The following ALS2 variants were observed in gnomAD, a reference collection of about 807,000 sequenced individuals.
ALS2 encodes the protein alsin.
A neutral mutation model predicts 203.4 loss-of-function variants in ALS2; 117 were observed. The ratio of observed to expected loss-of-function variants is 0.58; its 90% CI spans 0.50 to 0.67. The LOEUF (loss-of-function observed/expected upper bound fraction) is 0.67, where lower values mean the gene tolerates loss of function less well. Among genes scored for constraint, ALS2 ranks in the 30% least tolerant of loss-of-function variants. The pLI is 0.00. For synonymous variants in ALS2, 718 were observed against 725.9 expected, an observed-to-expected ratio of 0.99 and a Z score of 0.17; for missense variants, 1,715 against 1,989.4, an observed-to-expected ratio of 0.86 and a Z score of 2.62.
intron 4 of ALS2, chr2:201,760,389 A>C: frequency 1.0e-6 from 1 of 987,362 alleles, no homozygotes; most frequent in Non-Finnish European, 1.2e-6. Flanking sequence ...TATAATTGAA[A>C]AAAACTGAAA....
Position 201,744,445 on chromosome 2 carries a change from A to T in ALS2, c.1999-16T>A. ...TATATCCAAGCTGAAACAGAAGAAA[A>T]CAAAAGGATTAAATATAACATATAA... On this transcript the variant is annotated splice_polypyrimidine_tract_variant and intron_variant, in intron 9 of 33. Transcript: ENST00000264276. 1 of 1,612,148 alleles carries T rather than the reference A, an allele frequency of 6.2e-7. No homozygotes were observed. Among genetic ancestry groups the T allele is most frequent in the Non-Finnish European group, 8.5e-7 (1 of 1,178,606 alleles).
chr2:201,754,472 A>G (rs1693262033), intron 6 of ALS2, 31 bp downstream of exon 6: 1 of 1,613,912 alleles, frequency 6.2e-7, no homozygotes, highest in Non-Finnish European at 8.5e-7. Flanking sequence ...GTTTAAGCCA[A>G]CTTCTATCGG....
At chr2:201,710,162 C>A in intron 26 of ALS2, 124 bp from the exon 27 acceptor site, 1 of 1,127,806 alleles carries the variant, frequency 8.9e-7, no homozygotes, top group Non-Finnish European at 1.3e-6. Context: ...ATTTTGGGAC[C>A]AGGAATATTC....
chr2:201,734,485 TTAGA>T (rs1416536438), intron 12 of ALS2, among the ~76,000 whole-genome samples: 4 of 140,988 alleles, frequency 2.8e-5, no homozygotes, highest in Admixed American at 7.3e-5. Context: ...AAAAAAGATC[TTAGA>T]TAAAGTGCCC....
At chr2:201,770,923 TGAA>T (rs1397602964) in intron 1 of ALS2, among the ~76,000 whole-genome samples, 1 of 152,192 alleles carries the variant, frequency 6.6e-6, no homozygotes, top group South Asian at 2.1e-4. Context: ...CCACAGAACT[TGAA>T]GATAATATAT....
Position 201,701,731 on chromosome 2 carries a change from C to T in ALS2, c.*120G>A. Reference sequence around the variant, plus strand: ...TATTGGTAAGGCTCATTCTAACAACCTAAATAACACAAAGTCCTTTCCAAT... The same window carrying T: ...TATTGGTAAGGCTCATTCTAACAACTTAAATAACACAAAGTCCTTTCCAAT... On this transcript the variant is annotated 3_prime_UTR_variant, in exon 34 of 34. Coordinates refer to ENST00000264276, the MANE Select transcript of ALS2 (RefSeq NM_020919.4). 2 of 962,604 alleles carry T rather than the reference C, an allele frequency of 2.1e-6. No individual in the cohort carries two copies. Among genetic ancestry groups the T allele is most frequent in the South Asian group, 2.8e-5 (2 of 72,656 alleles). The allele number at this position is 962,604 out of a possible 1,614,324, so 59.6% of individuals were successfully genotyped here.
intron 33 of ALS2, 145 bp downstream of exon 33, chr2:201,703,977 T>C (rs542417936): frequency 1.3e-4 from 94 of 697,512 alleles, no homozygotes; most frequent in Non-Finnish European, 2.1e-4. Flanking sequence ...TATAATGTTT[T>C]AAAGTGTAGA....
rs768256914 is a variant in ALS2, at chr2:201,761,339, A to G, written c.655T>C (p.Cys219Arg). ...GGCTTCAGATCCTGGGAAGGGAGGCATTGTACAAGGGCTAAGCTGTGGAAA... is the reference window on the plus strand; with the variant it reads ...GGCTTCAGATCCTGGGAAGGGAGGCGTTGTACAAGGGCTAAGCTGTGGAAA... ...GAFHSLALVQ[C>R]LPSQDLKPVP... is the part of the protein sequence containing the mutation. The change falls in exon 4 of 34, where the codon TGC (cysteine) becomes CGC (arginine). Residue 219 changes from cysteine (C) to arginine (R), a missense_variant. Cys to Arg is a radical substitution (Grantham distance 180, BLOSUM62 -3). This residue lies in a region of ALS2 where 476 missense variants were observed against 539.3 expected (regional missense o/e 0.88). Coordinates refer to ENST00000264276, the MANE Select transcript of ALS2 (RefSeq NM_020919.4). The G allele has an allele frequency of 6.2e-7, 1 of 1,614,142 alleles. No individual in the cohort carries two copies. The highest frequency in any genetic ancestry group is 8.5e-7 in the Non-Finnish European group (1 of 1,180,040).
intron 21 of ALS2, 57 bp downstream of exon 21, chr2:201,724,238 T>C: frequency 6.5e-7 from 1 of 1,538,898 alleles, no homozygotes; most frequent in African/African-American, 1.4e-5. Flanking sequence ...GCTTGTTAAA[T>C]AATGATGGTG....
At position 201,759,977 on chromosome 2, in the gene ALS2, A is replaced by G. The variant is rs1029744828; in HGVS notation, c.1113+904T>C. On this transcript the variant is annotated intron_variant, in intron 4 of 33. Coordinates refer to ENST00000264276, the MANE Select transcript of ALS2 (RefSeq NM_020919.4). ...ACTTTACCATGTGCTACTGATAAAC[A>G]ACTTTTGTTCATTCTACCACAAATC... The G allele has an allele frequency of 3.0e-6, 3 of 983,750 alleles. No homozygotes were observed. The African/African-American group carries it at 5.2e-5, about 17-fold the overall frequency. The allele number at this position is 983,750 out of a possible 1,614,324, so 60.9% of individuals were successfully genotyped here. A position where few individuals can be genotyped will look rare whatever the true frequency, so the allele number is the denominator to read the frequency against.
At chr2:201,751,133 A>G (rs1693021947) in intron 7 of ALS2, among the ~76,000 whole-genome samples, 1 of 152,136 alleles carries the variant, frequency 6.6e-6, no homozygotes, top group African/African-American at 2.4e-5. Context: ...GATTACAGGC[A>G]TGAGCCACCA....
chr2:201,752,712 T>C (rs1693139647), intron 7 of ALS2, among the ~76,000 whole-genome samples: 1 of 152,204 alleles, frequency 6.6e-6, no homozygotes, highest in African/African-American at 2.4e-5. Flanking sequence ...TTTATGTACA[T>C]GGGTATGGTT....
chr2:201,701,754 A>G lies in ALS2; in HGVS notation c.*97T>C. ...ACCTAAATAACACAAAGTCCTTTCC[A>G]ATTTCAACACTGTTCTTTTTTGCCA... is the stretch of plus-strand genomic sequence containing the variant. On this transcript the variant is annotated 3_prime_UTR_variant, in exon 34 of 34. Transcript: ENST00000264276. 1.7e-6 allele frequency: 2 copies of G among 1,205,970 alleles called. No individual in the cohort carries two copies. Among genetic ancestry groups the G allele is most frequent in the Non-Finnish European group, 2.5e-6 (2 of 813,918 alleles). The allele number at this position is 1,205,970 out of a possible 1,614,324, so 74.7% of individuals were successfully genotyped here. A position where few individuals can be genotyped will look rare whatever the true frequency, so the allele number is the denominator to read the frequency against.
intron 1 of ALS2, among the ~76,000 whole-genome samples, chr2:201,779,655 C>T (rs764490198): frequency 2.0e-5 from 3 of 152,170 alleles, no homozygotes; most frequent in Non-Finnish European, 2.9e-5. Context: ...AAATACGATA[C>T]ATGAACCATT....
In ALS2 at chr2:201,700,585, T is replaced by A. The variant is rs547555712; in HGVS notation, c.*1266A>T. ...GAATGCCTTTTATTATGAAAATTGCTGTTACATTACAGCCAACATTCCAAA... is the reference window on the plus strand; with the variant it reads ...GAATGCCTTTTATTATGAAAATTGCAGTTACATTACAGCCAACATTCCAAA... On this transcript the variant is annotated 3_prime_UTR_variant, in exon 34 of 34. Transcript: ENST00000264276. 6.5e-6 allele frequency: 1 copy of A among 152,814 alleles called. No homozygotes were observed. The highest frequency in any genetic ancestry group is 2.1e-4 in the South Asian group (1 of 4,832). 9.5% of individuals were successfully genotyped at this position (152,814 alleles called of 1,614,324 possible).
At chr2:201,753,289 A>G in intron 6 of ALS2, 47 bp from the exon 7 acceptor site, 1 of 1,468,312 alleles carries the variant, frequency 6.8e-7, no homozygotes, top group Non-Finnish European at 9.5e-7. Flanking sequence ...ATTCTCAGCA[A>G]GAATCGTAGC....
chr2:201,712,372 T>C (rs74422443), intron 25 of ALS2, among the ~76,000 whole-genome samples: 323 of 152,344 alleles, frequency 2.1e-3, no homozygotes, highest in African/African-American at 7.0e-3. Context: ...TTAAAGAATT[T>C]GGTAACTTTT....
rs1690524963 is a variant in ALS2 at position 201,718,105 on chromosome 2, C to T, written c.3808G>A (p.Glu1270Lys). 3 of 1,613,482 alleles carry T rather than the reference C, an allele frequency of 1.9e-6. No individual in the cohort carries two copies. Among genetic ancestry groups the T allele is most frequent in the Non-Finnish European group, 2.5e-6 (3 of 1,179,554 alleles). ...ACTTTAGGTCTGTCTTTATCACTCT[C>T]ATATAGACTAGGTTTGAAGTAGGTT... ...TGTYFKPSLY[E>K]SDKDRPKVFR... is the part of the protein sequence containing the mutation. The change falls in exon 24 of 34, where the codon GAG becomes AAG. Residue 1270 changes from glutamate to lysine, a missense_variant. Transcript: ENST00000264276.
At chr2:201,772,114 C>A (rs912184923) in intron 1 of ALS2, among the ~76,000 whole-genome samples, 1 of 152,192 alleles carries the variant, frequency 6.6e-6, no homozygotes, top group African/African-American at 2.4e-5. Context: ...AGTAACAAAA[C>A]CCCAGGGGGC....
Sources: gnomAD v4.1 joint callset for allele counts (sites outside exome capture counted in the v4.1 genomes callset) on GRCh38, gnomAD v4.1.1 for gene constraint, gnomAD v4.1.1 regional missense constraint, MANE v1.5 for transcripts, NCBI Gene and HGNC (gene_info 2026-07-23, HGNC 2026-07-21) for gene names.